The following CLDN16 variants were observed in gnomAD, a reference collection of about 807,000 sequenced individuals.
CLDN16 encodes claudin 16.
In CLDN16, 13 loss-of-function variants were observed where a neutral mutation model predicts 24.6. The observed-to-expected ratio is 0.53, with a 90% CI of 0.34 to 0.84. CLDN16 has a LOEUF of 0.84. Ranked by LOEUF, CLDN16 falls within the 40% of genes least tolerant of loss-of-function variation. CLDN16 has a pLI of 0.01. For synonymous variants in CLDN16, 116 were observed against 106.7 expected, an observed-to-expected ratio of 1.09 and a Z score of -0.54; for missense variants, 298 against 292.7, an observed-to-expected ratio of 1.02 and a Z score of -0.13.
chr3:190,329,291 T>G (rs908026161), intron 1 of CLDN16, among the ~76,000 whole-genome samples: 3 of 152,184 alleles, frequency 2.0e-5, no homozygotes, highest in African/African-American at 7.2e-5. Flanking sequence ...TATACCTTTA[T>G]GTGATTTCAT....
At chr3:190,370,976 G>A (rs1212880285) in exon 2 of CLDN16, 1 of 149,908 alleles carries the variant, frequency 6.7e-6, no homozygotes, top group African/African-American at 2.4e-5. Context: ...GCTTGCAGAT[G>A]AACTACTGTG....
At chr3:190,346,721 C>T (rs1325849460) in intron 1 of CLDN16, among the ~76,000 whole-genome samples, 2 of 152,090 alleles carry the variant, frequency 1.3e-5, no homozygotes, top group East Asian at 1.9e-4. Context: ...TCCTTCCCTG[C>T]CTTCTCCTAG....
At chr3:190,374,804 T>A (rs1718215030) in intron 3 of CLDN16, among the ~76,000 whole-genome samples, 1 of 152,012 alleles carries the variant, frequency 6.6e-6, no homozygotes, top group Non-Finnish European at 1.5e-5. Context: ...TAAAACAATA[T>A]TTCAAAAATT....
the CLDN16 span, among the ~76,000 whole-genome samples, chr3:190,297,672 AT>A: frequency 1.1e-4 from 16 of 141,484 alleles, no homozygotes; most frequent in Admixed American, 2.2e-4. Flanking sequence ...ATACATAGAT[AT>A]TATGTAGATA....
chr3:190,367,619 A>G (rs1314995996), intron 1 of CLDN16, among the ~76,000 whole-genome samples: 2 of 151,942 alleles, frequency 1.3e-5, no homozygotes, highest in African/African-American at 4.8e-5. Flanking sequence ...TGCAAAATTC[A>G]TTGTTTTTAA....
At chr3:190,395,864 A>ACTCT (rs906916049) in intron 1 of CLDN16, among the ~76,000 whole-genome samples, 1 of 150,040 alleles carries the variant, frequency 6.7e-6, no homozygotes, top group Non-Finnish European at 1.5e-5. Context: ...GTGTATATTT[A>ACTCT]CTCTCTCTCT....
rs1051498637 is a variant in CLDN16 at position 190,395,636 on chromosome 3, T to C, written c.115-6701T>C. ...CTAAGTAGGTATCTAAGTAGGAAAG[T>C]CACATCTTCAAGGTTAAAATATATT... On this transcript the variant is annotated intron_variant, in intron 1 of 4. Transcript: ENST00000264734. Among the ~76,000 whole-genome samples, 7 of 152,184 alleles carry C rather than the reference T, an allele frequency of 4.6e-5. No individual in the cohort carries two copies. In the South Asian group the frequency reaches 1.2e-3, roughly 27 times the overall value.
chr3:190,313,514 A>T, the CLDN16 span, among the ~76,000 whole-genome samples: 2 of 152,216 alleles, frequency 1.3e-5, no homozygotes, highest in Non-Finnish European at 2.9e-5. Flanking sequence ...CTTCAGAAAA[A>T]CTGGATGAAT....
chr3:190,322,183 C>A (rs1465334500), upstream of CLDN16: 12 of 1,614,052 alleles, frequency 7.4e-6, no homozygotes, highest in Non-Finnish European at 1.0e-5. Context: ...TGAAGCCCAA[C>A]AGCTGCAGCC....
At chr3:190,323,003 T>TACACACACACACACAC (rs147722582) in intron 1 of CLDN16, among the ~76,000 whole-genome samples, 3,629 of 144,546 alleles carry the variant, frequency 0.025, 64 homozygotes, top group African/African-American at 0.043. Flanking sequence ...CAACATGATT[T>TACACACACACACACAC]ACACACACAC....
chr3:190,369,190 T>C (rs887707343), intron 1 of CLDN16, among the ~76,000 whole-genome samples: 8 of 151,948 alleles, frequency 5.3e-5, no homozygotes, highest in African/African-American at 1.7e-4. Flanking sequence ...TGCTGCCATA[T>C]GCAAGTCTAA....
intron 3 of CLDN16, among the ~76,000 whole-genome samples, chr3:190,406,096 A>C (rs1224377374): frequency 1.3e-5 from 2 of 152,222 alleles, no homozygotes; most frequent in East Asian, 3.9e-4. Context: ...GCAAAGAGGC[A>C]TGAGGCTAAG....
intron 3 of CLDN16, among the ~76,000 whole-genome samples, chr3:190,407,001 A>G (rs1244658272): frequency 6.6e-6 from 1 of 152,000 alleles, no homozygotes; most frequent in African/African-American, 2.4e-5. Flanking sequence ...CGGCCCCCCA[A>G]AGCGCTGGGA....
chr3:190,349,873 A>G (rs1717633910), intron 1 of CLDN16, among the ~76,000 whole-genome samples: 1 of 152,196 alleles, frequency 6.6e-6, no homozygotes, highest in Non-Finnish European at 1.5e-5. Flanking sequence ...GTCAAACTGC[A>G]GGTATATAAG....
At chr3:190,296,436 G>A in the CLDN16 span, among the ~76,000 whole-genome samples, 1 of 152,118 alleles carries the variant, frequency 6.6e-6, no homozygotes, top group African/African-American at 2.4e-5. Flanking sequence ...AGTTTAAGAT[G>A]TGCACTTGTT....
At chr3:190,326,443 G>A (rs1171725392) in intron 1 of CLDN16, among the ~76,000 whole-genome samples, 1 of 152,202 alleles carries the variant, frequency 6.6e-6, no homozygotes, top group Non-Finnish European at 1.5e-5. Flanking sequence ...AATGGCAGGG[G>A]TATGAGCTTT....
At chr3:190,350,375 T>C (rs924017462) in intron 1 of CLDN16, among the ~76,000 whole-genome samples, 4 of 150,280 alleles carry the variant, frequency 2.7e-5, no homozygotes, top group Non-Finnish European at 3.0e-5. Flanking sequence ...TACTTTATTA[T>C]AGATGTTGGA....
the CLDN16 span, among the ~76,000 whole-genome samples, chr3:190,293,295 A>G: frequency 2.0e-5 from 3 of 152,126 alleles, no homozygotes; most frequent in Non-Finnish European, 2.9e-5. Flanking sequence ...CCATGATCCT[A>G]TCATCTCCCA....
chr3:190,347,329 T>C (rs551480752), intron 1 of CLDN16, among the ~76,000 whole-genome samples: 1 of 152,288 alleles, frequency 6.6e-6, no homozygotes, highest in South Asian at 2.1e-4. Context: ...TGGGTAGACC[T>C]CCTATTTATA....
Sources: gnomAD v4.1 joint callset for allele counts (sites outside exome capture counted in the v4.1 genomes callset) on GRCh38, gnomAD v4.1.1 for gene constraint, MANE v1.5 for transcripts, NCBI Gene and HGNC (gene_info 2026-07-23, HGNC 2026-07-21) for gene names.